The following NECAB3 variants were observed in gnomAD, a reference collection of about 807,000 sequenced individuals.
NECAB3 encodes N-terminal EF-hand calcium binding protein 3.
A neutral mutation model predicts 57.2 loss-of-function variants in NECAB3; 38 were observed. The ratio of observed to expected loss-of-function variants is 0.66; its 90% CI spans 0.51 to 0.87. The LOEUF (loss-of-function observed/expected upper bound fraction) is 0.87, where lower values mean the gene tolerates loss of function less well. Ranked by LOEUF, NECAB3 falls within the 40% of genes least tolerant of loss-of-function variation. The pLI is 0.00. For synonymous variants in NECAB3, 223 were observed against 222.6 expected (o/e 1.00, Z -0.02); for missense variants, 474 against 527.5 (o/e 0.90, Z 0.99).
rs143664136 is a variant in NECAB3, at chr20:33,663,701, TGCGGCGGCAAGAGGC to T, written c.388-3321_388-3307del. ...CCGAGGATGCCGGTACTGCTGCTGC[TGCGGCGGCAAGAGGC>T]GCGGCGGCCGGAAGAGGGCGGGGCC... On this transcript the variant is annotated intron_variant, in intron 5 of 11. Coordinates refer to ENST00000246190, the MANE Select transcript of NECAB3 (RefSeq NM_031232.4). 6.3e-3 allele frequency: 9,835 copies of T among 1,566,396 alleles called. 490 individuals are homozygous for T. In the African/African-American group the frequency reaches 0.12, roughly 19 times the overall value.
intron 5 of NECAB3, chr20:33,664,981 G>GT (rs1213287268): frequency 6.6e-6 from 1 of 152,230 alleles, no homozygotes; most frequent in Non-Finnish European, 1.5e-5. Flanking sequence ...CCTGCTAATT[G>GT]TGAGAACTGA....
At chr20:33,668,161 T>C in intron 5 of NECAB3, 2 of 1,612,574 alleles carry the variant, frequency 1.2e-6, no homozygotes, top group Non-Finnish European at 1.7e-6. Flanking sequence ...CCTGCACTCC[T>C]TCCAGCGCCG....
At chr20:33,664,164 G>A in intron 5 of NECAB3, 1 of 378,082 alleles carries the variant, frequency 2.6e-6, no homozygotes, top group East Asian at 4.4e-5. Context: ...TGCCCAGTCT[G>A]CAGGCTCAAG....
intron 5 of NECAB3, chr20:33,663,513 G>A (rs761370319): frequency 5.0e-6 from 8 of 1,601,996 alleles, no homozygotes; most frequent in South Asian, 4.4e-5. Context: ...CCCGCCTCAC[G>A]CCCCTGTTCC....
In NECAB3 at chr20:33,657,664, TAGAA is replaced by T. The variant is rs1410414764; in HGVS notation, c.*161_*164del. On this transcript the variant is annotated 3_prime_UTR_variant, in exon 12 of 12. Coordinates refer to ENST00000246190, the MANE Select transcript of NECAB3 (RefSeq NM_031232.4). ...CAGGGATAAATAAATCAATAATAAA[TAGAA>T]AGCAAGCAGCCCAGTCCCTGATCCC... 6.4e-6 allele frequency: 4 copies of T among 622,804 alleles called. No homozygotes were observed. Among genetic ancestry groups the T allele is most frequent in the Non-Finnish European group, 1.1e-5 (4 of 375,968 alleles). The allele number at this position is 622,804 out of a possible 1,614,324, so 38.6% of individuals were successfully genotyped here. A position where few individuals can be genotyped will look rare whatever the true frequency, so the allele number is the denominator to read the frequency against.
chr20:33,662,335 C>T, intron 5 of NECAB3: 1 of 1,550,718 alleles, frequency 6.4e-7, no homozygotes, highest in Non-Finnish European at 8.7e-7. Context: ...CCAGTGGTGA[C>T]CAGCCCTGCC....
At chr20:33,674,463 CA>C (rs1456861966), upstream of NECAB3, 1 of 924,022 alleles carries the variant, frequency 1.1e-6, no homozygotes, top group Non-Finnish European at 1.3e-6. Flanking sequence ...CGCGCGGGCT[CA>C]GGCCCCGCCC....
chr20:33,674,478 C>T (rs1309882602), upstream of NECAB3: 1 of 851,044 alleles, frequency 1.2e-6, no homozygotes, highest in African/African-American at 1.8e-5. Context: ...CCCGCCCCCG[C>T]CCCGCCCCCG....
chr20:33,660,204 G>A lies in NECAB3; in HGVS notation c.524+55C>T. ...CTGGGACTGTGGGGATTTGGAATGG[G>A]GGTACAATGGGCGCTTGTGCACTAG... On this transcript the variant is annotated intron_variant, in intron 6 of 11. Coordinates refer to ENST00000246190, the MANE Select transcript of NECAB3 (RefSeq NM_031232.4). The surrounding 1 kb of genome is among the most constrained non-coding windows in gnomAD (Gnocchi z 4.1). 2 of 1,589,648 alleles carry A rather than the reference G, an allele frequency of 1.3e-6. No individual in the cohort carries two copies. The highest frequency in any genetic ancestry group is 1.3e-5 in the African/African-American group (1 of 74,606).
In NECAB3 at chr20:33,674,363, C is replaced by G; in HGVS notation, c.-11G>C. On this transcript the variant is annotated 5_prime_UTR_variant, in exon 1 of 12. Coordinates refer to ENST00000246190, the MANE Select transcript of NECAB3 (RefSeq NM_031232.4). ...CCCCGCGCACGCCATGGCGCCGCCA[C>G]CCGCTCGGGCTCGGCTGCGGTTGCT... 2 of 1,176,806 alleles carry G rather than the reference C, an allele frequency of 1.7e-6. No homozygotes were observed. The highest frequency in any genetic ancestry group is 2.1e-6 in the Non-Finnish European group (2 of 952,546). 72.9% of individuals were successfully genotyped at this position (1,176,806 alleles called of 1,614,324 possible).
rs146590788 is a variant in NECAB3, at chr20:33,668,128, A to T, written c.387+1247T>A. ...GCATGGGCGTGGCATGGCTGTGTGG[A>T]CCGGCGGCTCCATGGTGGCCTCCCT... On this transcript the variant is annotated intron_variant, in intron 5 of 11. Coordinates refer to ENST00000246190, the MANE Select transcript of NECAB3 (RefSeq NM_031232.4). 2.1e-4 allele frequency: 339 copies of T among 1,610,840 alleles called. 1 individual carries two copies. The Middle Eastern group carries it at 3.0e-3, about 14-fold the overall frequency.
At chr20:33,669,307 G>A in intron 5 of NECAB3, 68 bp downstream of exon 5, 1 of 1,498,312 alleles carries the variant, frequency 6.7e-7, no homozygotes, top group Non-Finnish European at 9.3e-7. Flanking sequence ...AGACTGTGGA[G>A]GATCCCACAG....
chr20:33,670,871 C>A, intron 2 of NECAB3, 79 bp from the exon 3 acceptor site: 1 of 1,004,742 alleles, frequency 1.0e-6, no homozygotes, highest in South Asian at 1.4e-5. Context: ...GGTCCAGGGT[C>A]CCAAAGGCCT....
intron 1 of NECAB3, 40 bp from the exon 2 acceptor site, chr20:33,672,462 C>G (rs919222066): frequency 4.3e-6 from 7 of 1,613,476 alleles, no homozygotes; most frequent in Non-Finnish European, 5.9e-6. Context: ...GTGAGTGCCA[C>G]CTGGGAAGCC....
In NECAB3 at chr20:33,670,722, C is replaced by A. The variant is rs1275107277; in HGVS notation, c.225G>T (p.Leu75=). ...FADGVLSLGE[L]QELFSGIDGH... is the part of the protein sequence containing the mutation. Reference sequence around the variant, plus strand: ...CATCAATGCCGCTGAACAGTTCCTGCAGCTCCCCCAGGCTGAGAACCCCAT... The same window carrying A: ...CATCAATGCCGCTGAACAGTTCCTGAAGCTCCCCCAGGCTGAGAACCCCAT... The change falls in exon 3 of 12, where the codon CTG becomes CTT. Residue 75 remains leucine, a synonymous_variant. Transcript: ENST00000246190. The A allele has an allele frequency of 1.2e-6, 2 of 1,614,082 alleles. No individual in the cohort carries two copies. Among genetic ancestry groups the A allele is most frequent in the Non-Finnish European group, 8.5e-7 (1 of 1,179,966 alleles).
intron 1 of NECAB3, among the ~76,000 whole-genome samples, chr20:33,673,949 G>A (rs753094152): frequency 3.3e-4 from 50 of 152,200 alleles, no homozygotes; most frequent in Admixed American, 2.3e-3. Flanking sequence ...GACCGCTGCT[G>A]TGATTGTCGC....
chr20:33,672,459 C>T, intron 1 of NECAB3, 37 bp from the exon 2 acceptor site: 1 of 1,613,572 alleles, frequency 6.2e-7, no homozygotes, highest in Non-Finnish European at 8.5e-7. Flanking sequence ...ACTGTGAGTG[C>T]CACCTGGGAA....
chr20:33,669,643 G>T, intron 4 of NECAB3, 44 bp downstream of exon 4: 1 of 1,564,792 alleles, frequency 6.4e-7, no homozygotes, highest in Non-Finnish European at 8.6e-7. Context: ...GTACCCTGGG[G>T]CCCAGGGGCC....
chr20:33,663,203 G>T (rs1183276514), intron 5 of NECAB3, among the ~76,000 whole-genome samples: 1 of 152,240 alleles, frequency 6.6e-6, no homozygotes. Context: ...GGACCAGGCG[G>T]GGGTGGGAGG....
Sources: gnomAD v4.1 joint callset for allele counts (sites outside exome capture counted in the v4.1 genomes callset) on GRCh38, gnomAD v4.1.1 for gene constraint, Gnocchi (gnomAD v3.1) non-coding constraint, MANE v1.5 for transcripts, NCBI Gene and HGNC (gene_info 2026-07-23, HGNC 2026-07-21) for gene names.